CEACAM20: variants seen among roughly 807,000 people sequenced by gnomAD.
The protein encoded by CEACAM20 is cell adhesion molecule CEACAM20.
A neutral mutation model predicts 61.2 loss-of-function variants in CEACAM20; 50 were observed. That is an observed-to-expected ratio of 0.82 (90% confidence interval 0.65 to 1.03). The LOEUF (loss-of-function observed/expected upper bound fraction) is 1.03. Among genes scored for constraint, CEACAM20 ranks in the 50% least tolerant of loss-of-function variants. The probability of loss-of-function intolerance (pLI) is 0.00; values close to 1 mark genes in which losing one functional copy is unlikely to be tolerated. For missense variants in CEACAM20, 683 were observed against 736.4 expected, an observed-to-expected ratio of 0.93 and a Z score of 0.84; for synonymous variants, 282 against 287.7, an observed-to-expected ratio of 0.98 and a Z score of 0.20.
At chr19:44,525,277 G>C (rs1555745629) in intron 1 of CEACAM20, 33 bp from the exon 2 acceptor site, 4 of 1,549,084 alleles carry the variant, frequency 2.6e-6, no homozygotes, top group Non-Finnish European at 3.5e-6. Flanking sequence ...TTCAGGGAGG[G>C]AGAGGTGTGT....
chr19:44,524,013 T>C lies in CEACAM20; in HGVS notation c.445A>G (p.Ser149Gly). The change falls in exon 3 of 12, where the codon AGC (serine) becomes GGC (glycine). Residue 149 changes from serine to glycine, a missense_variant. Physicochemically the swap from Ser to Gly is moderately conservative, Grantham distance 56. Transcript: ENST00000614924. ...TTCACATCCAGGAAGATGGGGTCGC[T>C]CCTCTGGCTCAGAAGGGCATCTCGA... is the stretch of plus-strand genomic sequence containing the variant. The part of the protein sequence containing the change: ...EARDALLSQR[S>G]DPIFLDVKYG... 1.9e-6 allele frequency: 3 copies of C among 1,553,256 alleles called. No homozygotes were observed. The highest frequency in any genetic ancestry group is 2.6e-6 in the Non-Finnish European group (3 of 1,147,586).
intron 1 of CEACAM20, among the ~76,000 whole-genome samples, chr19:44,529,050 C>T (rs1003385809): frequency 2.0e-5 from 3 of 149,366 alleles, no homozygotes; most frequent in African/African-American, 7.5e-5. Context: ...CTTCCACCTC[C>T]GAGTTCAAGG....
intron 1 of CEACAM20, 47 bp from the exon 2 acceptor site, chr19:44,525,291 G>C (rs367669796): frequency 2.4e-5 from 37 of 1,520,246 alleles, no homozygotes; most frequent in Non-Finnish European, 3.2e-5. Flanking sequence ...GGTGTGTTGG[G>C]GGTTGCCCGG....
intron 4 of CEACAM20, 85 bp from the exon 5 acceptor site, chr19:44,520,837 AGTGCGTGCGTGTGT>A: frequency 7.7e-7 from 1 of 1,293,858 alleles, no homozygotes; most frequent in Non-Finnish European, 1.0e-6. Context: ...TTTTTCCAGG[AGTGCGTGCGTGTGT>A]GTGTGTGTGT....
At position 44,528,956 on chromosome 19, in the gene CEACAM20, C is replaced by CTTTTT. The variant is rs71171255; in HGVS notation, c.52+497_52+501dup. On this transcript the variant is annotated intron_variant, in intron 1 of 11. Transcript: ENST00000614924. ...TATTTCTGTATTTCTCTCTTTCTTT[C>CTTTTT]TTTTTTTTTTTTTTTTTTTTGAGAC... 3.8e-3 allele frequency among the ~76,000 whole-genome samples: 351 copies of CTTTTT among 92,592 alleles called. 5 individuals carry two copies. The highest frequency in any genetic ancestry group is 4.3e-3 in the Admixed American group (30 of 6,936). The allele number at this position is 92,592 out of a possible 152,430, so 60.7% of individuals were successfully genotyped here. A position where few individuals can be genotyped will look rare whatever the true frequency, so the allele number is the denominator to read the frequency against.
At position 44,520,618 on chromosome 19, in the gene CEACAM20, G is replaced by A; in HGVS notation, c.886C>T (p.Pro296Ser). The A allele has an allele frequency of 6.2e-7, 1 of 1,614,024 alleles. No individual in the cohort carries two copies. Among genetic ancestry groups the A allele is most frequent in the South Asian group, 1.1e-5 (1 of 91,084 alleles). ...GCTGACAGCTGCAGGTGCTCACTGG[G>A]CAGGAGGGGCTGGCCACTTAGGAAC... is the stretch of plus-strand genomic sequence containing the variant. The part of the protein sequence containing the change: ...QWFLSGQPLL[P>S]SEHLQLSADN... The change falls in exon 5 of 12, where the codon CCC (proline) becomes TCC (serine). Residue 296 changes from proline to serine, a missense_variant. By Grantham distance (74) the Pro-to-Ser change is moderately conservative. Coordinates refer to ENST00000614924, the MANE Select transcript of CEACAM20 (RefSeq NM_001102597.3).
At chr19:44,518,235 A>G (rs867617922) in intron 5 of CEACAM20, among the ~76,000 whole-genome samples, 662 of 52,484 alleles carry the variant, frequency 0.013, 11 homozygotes, top group African/African-American at 0.1. Context: ...AGAGAGAGAG[A>G]AAGGAAGGAA....
At chr19:44,508,416 G>T (rs556348900) in intron 11 of CEACAM20, among the ~76,000 whole-genome samples, 5 of 152,270 alleles carry the variant, frequency 3.3e-5, no homozygotes, top group African/African-American at 9.6e-5. Context: ...CTGAGACAAG[G>T]TCTTGTTCTG....
chr19:44,524,579 C>T (rs1440837023), intron 2 of CEACAM20, among the ~76,000 whole-genome samples: 1 of 152,042 alleles, frequency 6.6e-6, no homozygotes, highest in East Asian at 1.9e-4. Context: ...GGGCCCCCTA[C>T]CCACTCTTTT....
intron 1 of CEACAM20, among the ~76,000 whole-genome samples, chr19:44,526,607 T>C (rs955048776): frequency 5.9e-5 from 9 of 151,944 alleles, no homozygotes; most frequent in Non-Finnish European, 1.0e-4. Flanking sequence ...CCTGGCGCGG[T>C]GGCTCATGCT....
At chr19:44,510,572 G>A (rs1599663633) in intron 11 of CEACAM20, among the ~76,000 whole-genome samples, 1 of 44,692 alleles carries the variant, frequency 2.2e-5, no homozygotes, top group African/African-American at 1.2e-4. Flanking sequence ...AAGAAAGAAA[G>A]AAAGAAAGAA....
At chr19:44,519,108 G>A (rs1400784036) in intron 5 of CEACAM20, among the ~76,000 whole-genome samples, 1 of 152,116 alleles carries the variant, frequency 6.6e-6, no homozygotes, top group African/African-American at 2.4e-5. Flanking sequence ...TCTGCTCTAA[G>A]CAGCCTACTC....
Position 44,517,142 on chromosome 19 carries a change from C to G in CEACAM20, c.1113G>C (p.Leu371=). ...TGGACTCGGCCCAACACTGCAGGGT[C>G]AGGCTGGAGTTGAGCTCTGCCTCTA... ...STIEAELNSS[L]TLQCWAESKP... Residue 371 remains leucine (L), a synonymous_variant, in exon 6 of 12, where the codon CTG becomes CTC. Transcript: ENST00000614924. 6.2e-7 allele frequency: 1 copy of G among 1,613,668 alleles called. No homozygotes were observed. The highest frequency in any genetic ancestry group is 8.5e-7 in the Non-Finnish European group (1 of 1,179,854).
At chr19:44,518,215 AAG>A (rs1599676556) in intron 5 of CEACAM20, among the ~76,000 whole-genome samples, 13 of 117,094 alleles carry the variant, frequency 1.1e-4, no homozygotes, top group East Asian at 6.9e-4. Context: ...GGAAGGAAGG[AAG>A]GAGAGAGAGA....
At chr19:44,513,000 A>G in intron 7 of CEACAM20, 47 bp from the exon 8 acceptor site, 3 of 1,512,410 alleles carry the variant, frequency 2.0e-6, no homozygotes, top group Non-Finnish European at 1.8e-6. Context: ...GTCCTTGCCC[A>G]TCTCCACAGG....
At chr19:44,515,218 AATGATG>A (rs59294881) in intron 6 of CEACAM20, among the ~76,000 whole-genome samples, 25,227 of 149,048 alleles carry the variant, frequency 0.17, 2,899 homozygotes, top group East Asian at 0.48. Context: ...ATGCTTGACA[AATGATG>A]ATGATGATGA....
rs1406770237 is a variant in CEACAM20, at chr19:44,513,202, C to T, written c.1397G>A (p.Gly466Asp). Residue 466 changes from glycine (G) to aspartate (D), a missense_variant, in exon 7 of 12, where the codon GGC becomes GAC. By Grantham distance (94) the Gly-to-Asp change is moderately conservative. Coordinates refer to ENST00000614924, the MANE Select transcript of CEACAM20 (RefSeq NM_001102597.3). ...LAVIAVASEL[G>D]YFLCIRNARR... ...GGCATTTCTGATGCAGAGAAAATAG[C>T]CCAGTTCTGAGGCCACAGCAATGAC... is the stretch of plus-strand genomic sequence containing the variant. 6.2e-7 allele frequency: 1 copy of T among 1,613,604 alleles called. No individual in the cohort carries two copies. Among genetic ancestry groups the T allele is most frequent in the Non-Finnish European group, 8.5e-7 (1 of 1,179,690 alleles).
At chr19:44,523,490 C>T (rs997140956) in intron 3 of CEACAM20, among the ~76,000 whole-genome samples, 7 of 151,974 alleles carry the variant, frequency 4.6e-5, no homozygotes, top group Non-Finnish European at 8.8e-5. Flanking sequence ...CCTATCCAGG[C>T]AAGGTTTTGG....
chr19:44,522,354 C>T (rs886376809), intron 4 of CEACAM20, among the ~76,000 whole-genome samples: 3 of 152,128 alleles, frequency 2.0e-5, no homozygotes, highest in Non-Finnish European at 4.4e-5. Context: ...CTGCCCACCT[C>T]GGCCTCCCAA....
Sources: allele counts gnomAD v4.1 joint callset (sites outside exome capture counted in the v4.1 genomes callset), GRCh38; gene constraint gnomAD v4.1.1; transcripts MANE v1.5; gene names NCBI Gene and HGNC (gene_info 2026-07-23, HGNC 2026-07-21).